The following NIPBL variants were observed in gnomAD, a reference collection of about 807,000 sequenced individuals.
NIPBL encodes the protein nipped-B-like protein.
NIPBL carries 19 observed loss-of-function variants against 321.8 expected under a neutral mutation model. That is an observed-to-expected ratio of 0.06 (90% CI 0.04 to 0.09). The LOEUF is 0.09. NIPBL is among the 10% of genes least tolerant of loss of function. The pLI is 1.00. For missense variants in NIPBL, 2,210 were observed against 3,327.0 expected (o/e 0.66, Z 8.26); for synonymous variants, 1,106 against 1,114.1 (o/e 0.99, Z 0.14).
chr5:36,936,260 A>G (rs1343425889), intron 1 of NIPBL, among the ~76,000 whole-genome samples: 1 of 152,154 alleles, frequency 6.6e-6, no homozygotes, highest in Non-Finnish European at 1.5e-5. Flanking sequence ...TATATATAAC[A>G]TACACAGTCA....
At chr5:37,023,618 A>G (rs918798922) in intron 29 of NIPBL, among the ~76,000 whole-genome samples, 5 of 152,134 alleles carry the variant, frequency 3.3e-5, no homozygotes, top group African/African-American at 9.7e-5. Context: ...TATCATCTGA[A>G]TACTAGTTCT....
chr5:36,918,818 G>A (rs1748688467), intron 1 of NIPBL, among the ~76,000 whole-genome samples: 2 of 152,026 alleles, frequency 1.3e-5, no homozygotes, highest in African/African-American at 4.8e-5. Flanking sequence ...TTTATATGAT[G>A]GATTACGTTT....
chr5:36,968,218 C>G lies in NIPBL; in HGVS notation c.611-2658C>G. ...AATTAATATAATTCAGATTATGGGC[C>G]TGGGGTCCTGTGAGCCTTTTAATAG... is the stretch of plus-strand genomic sequence containing the variant. On this transcript the variant is annotated intron_variant, in intron 6 of 46. Transcript: ENST00000282516. Among the ~76,000 whole-genome samples, 2 of 151,804 alleles carry G rather than the reference C, an allele frequency of 1.3e-5. 1 individual carries two copies. Among genetic ancestry groups the G allele is most frequent in the Non-Finnish European group, 2.9e-5 (2 of 67,962 alleles).
chr5:36,933,727 A>G (rs1327534845), intron 1 of NIPBL, among the ~76,000 whole-genome samples: 1 of 152,098 alleles, frequency 6.6e-6, no homozygotes, highest in African/African-American at 2.4e-5. Context: ...GTAAGATACC[A>G]GTTGGCTTTT....
intron 21 of NIPBL, among the ~76,000 whole-genome samples, chr5:37,013,340 G>A (rs572141501): frequency 5.9e-5 from 9 of 151,780 alleles, no homozygotes; most frequent in Non-Finnish European, 8.8e-5. Context: ...CTGGCCGGGC[G>A]GGGGGCTGAC....
intron 34 of NIPBL, among the ~76,000 whole-genome samples, chr5:37,043,618 C>G (rs145945620): frequency 6.6e-6 from 1 of 152,010 alleles, no homozygotes; most frequent in African/African-American, 2.4e-5. Flanking sequence ...GAAAATCGCT[C>G]AAGCTCAGGA....
intron 1 of NIPBL, among the ~76,000 whole-genome samples, chr5:36,898,244 A>G (rs925364574): frequency 1.5e-4 from 23 of 152,156 alleles, no homozygotes; most frequent in Non-Finnish European, 2.8e-4. Context: ...AATAAGTTGT[A>G]TCCTCTATTA....
At chr5:36,938,674 T>A (rs1738726808) in intron 1 of NIPBL, among the ~76,000 whole-genome samples, 1 of 152,204 alleles carries the variant, frequency 6.6e-6, no homozygotes, top group Admixed American at 6.5e-5. Context: ...AGACTATTAC[T>A]GTTTTTTAAA....
intron 29 of NIPBL, 27 bp downstream of exon 29, chr5:37,022,417 C>T (rs749382487): frequency 2.2e-5 from 35 of 1,575,436 alleles, no homozygotes; most frequent in Middle Eastern, 1.9e-4. Flanking sequence ...TATAATGATT[C>T]GTGAATATAA....
intron 29 of NIPBL, among the ~76,000 whole-genome samples, chr5:37,022,973 T>C (rs748769825): frequency 4.8e-4 from 73 of 152,336 alleles, no homozygotes; most frequent in Non-Finnish European, 8.5e-4. Context: ...AAAGGAAACA[T>C]TGGCATTAGG....
Position 37,026,930 on chromosome 5 carries a change from A to C in NIPBL, c.5809-429A>C, listed in dbSNP as rs1276833736. The stretch of plus-strand genomic sequence containing the variant: ...TCCCTTCTCAAAAAAAAAAAAAGAA[A>C]AGAAAGAAAAATTCTGTATATTCAA... On this transcript the variant is annotated intron_variant, in intron 31 of 46. Coordinates refer to ENST00000282516, the MANE Select transcript of NIPBL (RefSeq NM_133433.4). Among the ~76,000 whole-genome samples, 3 of 151,906 alleles carry C rather than the reference A, an allele frequency of 2.0e-5. No homozygotes were observed. In the East Asian group the frequency reaches 5.8e-4, roughly 29 times the overall value.
chr5:36,974,919 T>G (rs1378460579), intron 8 of NIPBL, among the ~76,000 whole-genome samples: 1 of 152,066 alleles, frequency 6.6e-6, no homozygotes, highest in Non-Finnish European at 1.5e-5. Context: ...TCAGATGCAG[T>G]TATACTATTA....
chr5:37,035,139 A>G (rs560084398), intron 32 of NIPBL, among the ~76,000 whole-genome samples: 12 of 152,318 alleles, frequency 7.9e-5, no homozygotes, highest in Admixed American at 7.8e-4. Flanking sequence ...CTGTACAAAA[A>G]TAAGCTGGGC....
At chr5:37,049,777 G>A (rs974923417) in intron 40 of NIPBL, among the ~76,000 whole-genome samples, 1 of 152,122 alleles carries the variant, frequency 6.6e-6, no homozygotes, top group African/African-American at 2.4e-5. Context: ...AGGACACAAC[G>A]ACGTAATAAA....
chr5:36,925,937 A>G (rs1425429624), intron 1 of NIPBL, among the ~76,000 whole-genome samples: 1 of 152,174 alleles, frequency 6.6e-6, no homozygotes, highest in Admixed American at 6.5e-5. Context: ...ACCTCCTGCT[A>G]TGCTCATTTA....
intron 1 of NIPBL, among the ~76,000 whole-genome samples, chr5:36,901,291 G>T (rs1461647001): frequency 2.0e-5 from 3 of 152,054 alleles, no homozygotes; most frequent in Non-Finnish European, 2.9e-5. Context: ...CTTTTTTATG[G>T]CTACATAGTA....
intron 43 of NIPBL, 142 bp downstream of exon 43, chr5:37,057,474 ATACTTGACTTGGGAGAGGAT>A: frequency 1.2e-6 from 1 of 800,946 alleles, no homozygotes; most frequent in Non-Finnish European, 2.0e-6. Context: ...AATCTGGGCA[ATACTTGACTTGGGAGAGGAT>A]GTACATTGCC....
At chr5:36,927,999 T>C (rs1023745185) in intron 1 of NIPBL, among the ~76,000 whole-genome samples, 1 of 152,054 alleles carries the variant, frequency 6.6e-6, no homozygotes, top group African/African-American at 2.4e-5. Flanking sequence ...TTTTTTTTTT[T>C]TAAATTTTCT....
intron 1 of NIPBL, among the ~76,000 whole-genome samples, chr5:36,891,032 G>A (rs1395830013): frequency 2.0e-5 from 3 of 152,150 alleles, no homozygotes; most frequent in Admixed American, 6.5e-5. Context: ...TTGGGAGGCC[G>A]AGGCGGGCGG....
Sources: gnomAD v4.1 joint callset for allele counts (sites outside exome capture counted in the v4.1 genomes callset) on GRCh38, gnomAD v4.1.1 for gene constraint, MANE v1.5 for transcripts, NCBI Gene and HGNC (gene_info 2026-07-23, HGNC 2026-07-21) for gene names.